The following RAC2 variants were observed in gnomAD, a reference collection of about 807,000 sequenced individuals.
RAC2 encodes the protein Rac family small GTPase 2, also known as ras-related C3 botulinum toxin substrate 2.
RAC2 carries 1 observed loss-of-function variant against 24.0 expected under a neutral mutation model. The observed-to-expected ratio is 0.04, with a 90% CI of 0.01 to 0.20. The LOEUF (loss-of-function observed/expected upper bound fraction) is 0.20. RAC2 is among the 10% of genes least tolerant of loss of function. The pLI is 1.00. For synonymous variants in RAC2, 114 were observed against 106.8 expected (o/e 1.07, Z -0.41); for missense variants, 130 against 259.1 (o/e 0.50, Z 3.42).
intron 2 of RAC2, among the ~76,000 whole-genome samples, chr22:37,240,472 A>G (rs1927354261): frequency 6.6e-6 from 1 of 152,262 alleles, no homozygotes; most frequent in East Asian, 1.9e-4. Context: ...CATGTGTGAC[A>G]TCTTGCGCAG....
At chr22:37,232,587 T>G (rs1413633872) in intron 3 of RAC2, 1 of 592,466 alleles carries the variant, frequency 1.7e-6, no homozygotes, top group Non-Finnish European at 3.1e-6. Context: ...GGTGGGAAGA[T>G]GGGCACATTG....
In RAC2 at chr22:37,231,081, G is replaced by T; in HGVS notation, c.448+150C>A. 1.1e-6 allele frequency: 1 copy of T among 907,508 alleles called. No homozygotes were observed. The highest frequency in any genetic ancestry group is 1.7e-6 in the Non-Finnish European group (1 of 572,520). 56.2% of individuals were successfully genotyped at this position (907,508 alleles called of 1,614,324 possible). On this transcript the variant is annotated intron_variant, in intron 5 of 6. Coordinates refer to ENST00000249071, the MANE Select transcript of RAC2 (RefSeq NM_002872.5). The surrounding 1 kb of genome is among the most constrained non-coding windows in gnomAD (Gnocchi z 5.5). ...AAACACAGGCAGAGAGAGGCTACGT[G>T]ACTCGCCCAAGGTCACACAGCAAGT...
At position 37,244,207 on chromosome 22, in the gene RAC2, G is replaced by A. The variant is rs1601679090; in HGVS notation, c.-59C>T. On this transcript the variant is annotated 5_prime_UTR_variant, in exon 1 of 7. Coordinates refer to ENST00000249071, the MANE Select transcript of RAC2 (RefSeq NM_002872.5). ...AGCTCAGGGCCAGGCGCGTTTCTGC[G>A]GGCGCAAGGGGTGTGGAGGCTGGTG... 2.5e-6 allele frequency: 4 copies of A among 1,598,660 alleles called. No homozygotes were observed. The highest frequency in any genetic ancestry group is 1.3e-5 in the African/African-American group (1 of 74,466).
intron 5 of RAC2, among the ~76,000 whole-genome samples, chr22:37,228,557 C>T (rs1023242822): frequency 6.6e-6 from 1 of 152,260 alleles, no homozygotes; most frequent in African/African-American, 2.4e-5. Context: ...CCAAAGCCCG[C>T]TTGCTTCTCT....
chr22:37,231,529 TGAG>T lies in RAC2; in HGVS notation c.289-142_289-140del, dbSNP rs1231595798. ...AGAAGATCAGAGGTGGGCACGACGG[TGAG>T]GAGAGAGAGACGTGAGGTGGCACAG... On this transcript the variant is annotated intron_variant, in intron 4 of 6. Transcript: ENST00000249071. This position sits in a 1 kb window ranked among gnomAD's most constrained non-coding sequence, Gnocchi z 5.5. 1.4e-5 allele frequency: 11 copies of T among 771,158 alleles called. No homozygotes were observed. Among genetic ancestry groups the T allele is most frequent in the Non-Finnish European group, 2.3e-5 (11 of 468,622 alleles). 47.8% of individuals were successfully genotyped at this position (771,158 alleles called of 1,614,324 possible).
intron 2 of RAC2, among the ~76,000 whole-genome samples, chr22:37,236,966 G>A (rs189707904): frequency 5.9e-5 from 9 of 152,250 alleles, no homozygotes; most frequent in Non-Finnish European, 1.2e-4. Context: ...TGAGGCAGGT[G>A]GATCACCAGG....
At chr22:37,241,047 G>A (rs775533737) in intron 2 of RAC2, 1 of 722,152 alleles carries the variant, frequency 1.4e-6, no homozygotes, top group East Asian at 2.7e-5. Flanking sequence ...GGCTGGCCAG[G>A]GAGGGGCTGG....
chr22:37,243,416 AC>A (rs1927465629), intron 1 of RAC2, among the ~76,000 whole-genome samples: 1 of 151,390 alleles, frequency 6.6e-6, no homozygotes, highest in Non-Finnish European at 1.5e-5. Flanking sequence ...TCCCCTGCCG[AC>A]CCCACAATCA....
chr22:37,231,300 C>T lies in RAC2; in HGVS notation c.379G>A (p.Glu127Lys), dbSNP rs1342981751. 2 of 1,613,972 alleles carry T rather than the reference C, an allele frequency of 1.2e-6. No individual in the cohort carries two copies. Among genetic ancestry groups the T allele is most frequent in the Non-Finnish European group, 1.7e-6 (2 of 1,180,030 alleles). The change falls in exon 5 of 7, where the codon GAG (glutamate) becomes AAG (lysine). Residue 127 changes from glutamate (E) to lysine (K), a missense_variant. Coordinates refer to ENST00000249071, the MANE Select transcript of RAC2 (RefSeq NM_002872.5). The surrounding 1 kb of genome is among the most constrained non-coding windows in gnomAD (Gnocchi z 5.5). ...LDLRDDKDTI[E>K]KLKEKKLAPI... is the part of the protein sequence containing the mutation. ...GCCAGCTTCTTCTCCTTCAGTTTCT[C>T]GATGGTGTCCTTGTCGTCCCGCAGG...
chr22:37,231,398 G>A lies in RAC2; in HGVS notation c.289-8C>T, dbSNP rs1387651718. The stretch of plus-strand genomic sequence containing the variant: ...CCGCACTTCTGGGAACCACTGGGCA[G>A]GTGGGTGGGGGGACACAAGGTTGTA... On this transcript the variant is annotated splice_region_variant and splice_polypyrimidine_tract_variant and intron_variant, in intron 4 of 6. Coordinates refer to ENST00000249071, the MANE Select transcript of RAC2 (RefSeq NM_002872.5). This position sits in a 1 kb window ranked among gnomAD's most constrained non-coding sequence, Gnocchi z 5.5. 1.9e-6 allele frequency: 3 copies of A among 1,613,970 alleles called. No individual in the cohort carries two copies. Among genetic ancestry groups the A allele is most frequent in the Admixed American group, 3.3e-5 (2 of 60,018 alleles).
chr22:37,237,564 A>T (rs1263600398), intron 2 of RAC2, among the ~76,000 whole-genome samples: 1 of 152,148 alleles, frequency 6.6e-6, no homozygotes, highest in Non-Finnish European at 1.5e-5. Context: ...AGGGAGGCTG[A>T]TGTCATCCTG....
intron 3 of RAC2, 91 bp from the exon 4 acceptor site, chr22:37,232,085 G>A (rs1222377914): frequency 2.2e-6 from 3 of 1,341,520 alleles, no homozygotes; most frequent in African/African-American, 1.5e-5. Context: ...GGGGCTCCCT[G>A]AGGGTGGAAC....
intron 2 of RAC2, among the ~76,000 whole-genome samples, chr22:37,240,276 AG>A (rs951521736): frequency 2.0e-5 from 3 of 152,144 alleles, no homozygotes; most frequent in Non-Finnish European, 4.4e-5. Context: ...TGCCCCTGAA[AG>A]GGGGGTTCAT....
In RAC2 at chr22:37,241,312, T is replaced by C. The variant is rs73881653; in HGVS notation, c.107+275A>G. ...GCTCCTGCTCTTGCCTGAGCCAGCC[T>C]TCTCCTCCACGTCCCTTTGCTTGGA... is the stretch of plus-strand genomic sequence containing the variant. On this transcript the variant is annotated intron_variant, in intron 2 of 6. Coordinates refer to ENST00000249071, the MANE Select transcript of RAC2 (RefSeq NM_002872.5). The C allele has an allele frequency of 5.5e-3, 3,589 of 655,294 alleles. 57 individuals carry two copies. Among genetic ancestry groups the C allele is most frequent in the African/African-American group, 0.049 (2,730 of 55,992 alleles). The allele number at this position is 655,294 out of a possible 1,614,324, so 40.6% of individuals were successfully genotyped here.
chr22:37,240,983 AG>A (rs1218881658), intron 2 of RAC2: 4 of 714,226 alleles, frequency 5.6e-6, no homozygotes, highest in South Asian at 4.4e-5. Context: ...AGGAGCCTTG[AG>A]TGCCATGCTA....
At chr22:37,229,776 G>A (rs531730022) in intron 5 of RAC2, among the ~76,000 whole-genome samples, 4 of 152,340 alleles carry the variant, frequency 2.6e-5, no homozygotes, top group South Asian at 2.1e-4. Flanking sequence ...AGGAGAGAGG[G>A]CCTTTGGGGA....
rs768190971 is a variant in RAC2, at chr22:37,244,122, C to T, written c.27G>A (p.Val9=). ...TCCAGCCAGGTACCTACCCATCTCC[C>T]ACCACCACACACTTGATGGCCTGCA... is the stretch of plus-strand genomic sequence containing the variant. The part of the protein sequence containing the change: MQAIKCVV[V]GDGAVGKTCL... The change falls in exon 1 of 7, where the codon GTG becomes GTA. Residue 9 remains valine (V), a synonymous_variant. Transcript: ENST00000249071. 1.2e-6 allele frequency: 2 copies of T among 1,614,054 alleles called. No individual in the cohort carries two copies. Among genetic ancestry groups the T allele is most frequent in the Admixed American group, 1.7e-5 (1 of 60,004 alleles).
In RAC2 at chr22:37,232,931, G is replaced by A. The variant is rs974378489; in HGVS notation, c.108-13C>T. On this transcript the variant is annotated splice_polypyrimidine_tract_variant and intron_variant, in intron 2 of 6. Transcript: ENST00000249071. ...ATAGTTGTCAAACCTGTGGGGAGCAGGCAAGGCGGAGGTAAGGTCAATCTC... is the reference window on the plus strand; with the variant it reads ...ATAGTTGTCAAACCTGTGGGGAGCAAGCAAGGCGGAGGTAAGGTCAATCTC... 6.3e-7 allele frequency: 1 copy of A among 1,598,820 alleles called. No individual in the cohort carries two copies. Among genetic ancestry groups the A allele is most frequent in the Non-Finnish European group, 8.6e-7 (1 of 1,166,298 alleles).
At chr22:37,230,679 C>G (rs1438843041) in intron 5 of RAC2, among the ~76,000 whole-genome samples, 2 of 152,014 alleles carry the variant, frequency 1.3e-5, no homozygotes, top group Non-Finnish European at 2.9e-5. Flanking sequence ...AAAGAGGGGT[C>G]GAGCTGAGAA....
Sources: gnomAD v4.1 joint callset for allele counts (sites outside exome capture counted in the v4.1 genomes callset) on GRCh38, gnomAD v4.1.1 for gene constraint, Gnocchi (gnomAD v3.1) non-coding constraint, MANE v1.5 for transcripts, NCBI Gene and HGNC (gene_info 2026-07-23, HGNC 2026-07-21) for gene names.